The following EFR3B variants were observed in gnomAD, a reference collection of about 807,000 sequenced individuals.
EFR3B encodes the protein protein EFR3 homolog B.
Under a neutral mutation model 104.7 loss-of-function variants are expected in EFR3B, and 64 were observed. The ratio of observed to expected loss-of-function variants is 0.61; its 90% CI spans 0.50 to 0.75. The LOEUF (loss-of-function observed/expected upper bound fraction) is 0.75. Among genes scored for constraint, EFR3B ranks in the 30% least tolerant of loss-of-function variants. The pLI is 0.00. For missense variants in EFR3B, 750 were observed against 1,078.5 expected (o/e 0.70, Z 4.27); for synonymous variants, 385 against 417.9 (o/e 0.92, Z 0.96).
chr2:25,052,756 G>A (rs1344026736), intron 1 of EFR3B, among the ~76,000 whole-genome samples: 1 of 150,672 alleles, frequency 6.6e-6, no homozygotes, highest in East Asian at 2.0e-4. Context: ...GCCCGCCTTG[G>A]CCTCCCAAAG....
intron 3 of EFR3B, among the ~76,000 whole-genome samples, chr2:25,095,413 T>C (rs1341102035): frequency 6.6e-6 from 1 of 152,020 alleles, no homozygotes; most frequent in Non-Finnish European, 1.5e-5. Flanking sequence ...ACGAACATAC[T>C]GGCCAGGTGC....
chr2:25,091,921 A>G (rs1426118662), intron 2 of EFR3B, among the ~76,000 whole-genome samples: 1 of 151,928 alleles, frequency 6.6e-6, no homozygotes, highest in African/African-American at 2.4e-5. Flanking sequence ...TGGGCTGGGA[A>G]ACATTGGGAT....
chr2:25,053,336 T>A (rs1030663655), intron 1 of EFR3B, among the ~76,000 whole-genome samples: 23 of 152,254 alleles, frequency 1.5e-4, no homozygotes, highest in African/African-American at 4.8e-4. Context: ...GGATAGGTCC[T>A]GAGAGACAGG....
At chr2:25,103,568 T>C in intron 3 of EFR3B, 69 bp from the exon 4 acceptor site, 1 of 1,508,672 alleles carries the variant, frequency 6.6e-7, no homozygotes, top group South Asian at 1.3e-5. Context: ...CACTGACACC[T>C]TGCATGCCCT....
intron 1 of EFR3B, among the ~76,000 whole-genome samples, chr2:25,075,636 A>T (rs1221313931): frequency 2.0e-5 from 3 of 152,046 alleles, no homozygotes; most frequent in African/African-American, 7.2e-5. Flanking sequence ...TTTCAATTCT[A>T]TTTTTTACCT....
At chr2:25,147,275 T>G (rs1222536451) in intron 19 of EFR3B, 2 of 152,236 alleles carry the variant, frequency 1.3e-5, no homozygotes, top group Non-Finnish European at 2.9e-5. Flanking sequence ...CCAATGTTGC[T>G]CGGTGCTGAC....
intron 3 of EFR3B, 60 bp from the exon 4 acceptor site, chr2:25,103,577 C>G: frequency 6.6e-7 from 1 of 1,518,966 alleles, no homozygotes; most frequent in South Asian, 1.3e-5. Flanking sequence ...CTTGCATGCC[C>G]TGGTTGGGCC....
chr2:25,073,435 G>A (rs1036230234), intron 1 of EFR3B, among the ~76,000 whole-genome samples: 2 of 149,108 alleles, frequency 1.3e-5, no homozygotes, highest in Non-Finnish European at 3.0e-5. Context: ...TCAGCTCACT[G>A]CAACCTCCAC....
intron 1 of EFR3B, among the ~76,000 whole-genome samples, chr2:25,078,931 A>C (rs1412864333): frequency 6.6e-6 from 1 of 151,974 alleles, no homozygotes; most frequent in Non-Finnish European, 1.5e-5. Context: ...ACATCCTTTC[A>C]TTCACTGCCA....
chr2:25,102,438 G>T (rs1021756371), intron 3 of EFR3B, among the ~76,000 whole-genome samples: 2 of 152,202 alleles, frequency 1.3e-5, no homozygotes, highest in African/African-American at 4.8e-5. Context: ...CTGCAGGGCT[G>T]GGGAGACCTC....
intron 21 of EFR3B, among the ~76,000 whole-genome samples, chr2:25,152,759 TCTC>T (rs1193543348): frequency 2.6e-5 from 4 of 151,842 alleles, no homozygotes; most frequent in Non-Finnish European, 4.4e-5. Context: ...AATAACCTAT[TCTC>T]CTAACAAAAT....
intron 3 of EFR3B, among the ~76,000 whole-genome samples, chr2:25,099,160 C>G (rs1669364389): frequency 6.6e-6 from 1 of 152,128 alleles, no homozygotes; most frequent in Non-Finnish European, 1.5e-5. Context: ...AAGCCTGTCC[C>G]CTTTGGAAGG....
chr2:25,140,816 G>C (rs553125845), intron 16 of EFR3B, among the ~76,000 whole-genome samples: 1 of 152,258 alleles, frequency 6.6e-6, no homozygotes, highest in African/African-American at 2.4e-5. Context: ...CAAGGCAGGT[G>C]GATCACTTGG....
chr2:25,048,906 A>T (rs1667792817), intron 1 of EFR3B, among the ~76,000 whole-genome samples: 1 of 152,136 alleles, frequency 6.6e-6, no homozygotes, highest in African/African-American at 2.4e-5. Context: ...GTCTCCACAC[A>T]TGGGGAGAAA....
At chr2:25,086,144 G>A (rs1668945338) in intron 1 of EFR3B, among the ~76,000 whole-genome samples, 1 of 152,154 alleles carries the variant, frequency 6.6e-6, no homozygotes, top group Non-Finnish European at 1.5e-5. Context: ...TTGTCTGGAT[G>A]TACCACAGTT....
intron 1 of EFR3B, among the ~76,000 whole-genome samples, chr2:25,078,067 T>C (rs1042248460): frequency 2.0e-5 from 3 of 152,190 alleles, no homozygotes; most frequent in African/African-American, 7.2e-5. Context: ...TTGTGACATA[T>C]CCTTGACCTT....
Position 25,158,373 on chromosome 2 carries a change from C to T in EFR3B, c.*4033C>T, listed in dbSNP as rs1374365532. 1 of 152,328 alleles carries T rather than the reference C, an allele frequency of 6.6e-6. No individual in the cohort carries two copies. Among genetic ancestry groups the T allele is most frequent in the Non-Finnish European group, 1.5e-5 (1 of 68,140 alleles). 9.4% of individuals were successfully genotyped at this position (152,328 alleles called of 1,614,324 possible). On this transcript the variant is annotated 3_prime_UTR_variant, in exon 23 of 23. Coordinates refer to ENST00000403714, the MANE Select transcript of EFR3B (RefSeq NM_014971.2). ...GGCAGGCCAGGCCCACTTCCTGTGA[C>T]CCCAGACCTTGGCAGGCGGGTCGTG...
rs775015543 is a variant in EFR3B at position 25,141,473 on chromosome 2, G to A, written c.1922+40G>A. 10 of 1,547,678 alleles carry A rather than the reference G, an allele frequency of 6.5e-6. No individual in the cohort carries two copies. In the African/African-American group the frequency reaches 8.2e-5, roughly 13 times the overall value. On this transcript the variant is annotated intron_variant, in intron 17 of 22. Transcript: ENST00000403714. The stretch of plus-strand genomic sequence containing the variant: ...GGGGACGTGGTCAGGGATCCCCAGG[G>A]CAGCTGAGTAAGCAGGTGGGTGGTC...
At position 25,136,515 on chromosome 2, in the gene EFR3B, C is replaced by T; in HGVS notation, c.1485-8C>T. 1.3e-6 allele frequency: 2 copies of T among 1,551,268 alleles called. No individual in the cohort carries two copies. The highest frequency in any genetic ancestry group is 1.7e-6 in the Non-Finnish European group (2 of 1,146,764). On this transcript the variant is annotated splice_polypyrimidine_tract_variant and splice_region_variant and intron_variant, in intron 13 of 22. Transcript: ENST00000403714. This position sits in a 1 kb window ranked among gnomAD's most constrained non-coding sequence, Gnocchi z 4.0. ...AGGGCTAAGGAGGCCCTTTGCATCC[C>T]TTCCCAGTACCCTCAGTGACATCTC...
Sources: gnomAD v4.1 joint callset for allele counts (sites outside exome capture counted in the v4.1 genomes callset) on GRCh38, gnomAD v4.1.1 for gene constraint, Gnocchi (gnomAD v3.1) non-coding constraint, MANE v1.5 for transcripts, NCBI Gene and HGNC (gene_info 2026-07-23, HGNC 2026-07-21) for gene names.